The following U2SURP variants were observed in gnomAD, a reference collection of about 807,000 sequenced individuals.
U2SURP encodes U2 snRNP-associated SURP motif-containing protein.
Under a neutral mutation model 144.9 loss-of-function variants are expected in U2SURP, and 9 were observed. That is an observed-to-expected ratio of 0.06 (90% CI 0.04 to 0.11). The LOEUF is 0.11. Ranked by LOEUF, U2SURP falls within the 10% of genes least tolerant of loss-of-function variation. The pLI is 1.00. For missense variants in U2SURP, 724 were observed against 1,226.7 expected, an observed-to-expected ratio of 0.59 and a Z score of 6.12; for synonymous variants, 408 against 396.8, an observed-to-expected ratio of 1.03 and a Z score of -0.33.
At position 143,056,766 on chromosome 3, in the gene U2SURP, A is replaced by G. The variant is rs1262711111; in HGVS notation, c.*316A>G. ...TTTAGGATGTTGTGACTTAGCAAAAATAATACAGATGTCTTCCCCCCTTTT... is the reference window on the plus strand; with the variant it reads ...TTTAGGATGTTGTGACTTAGCAAAAGTAATACAGATGTCTTCCCCCCTTTT... On this transcript the variant is annotated 3_prime_UTR_variant, in exon 28 of 28. Coordinates refer to ENST00000473835, the MANE Select transcript of U2SURP (RefSeq NM_001080415.2). The G allele has an allele frequency of 1.9e-5, 4 of 208,018 alleles. No individual in the cohort carries two copies. The highest frequency in any genetic ancestry group is 6.9e-5 in the African/African-American group (3 of 43,450). 12.9% of individuals were successfully genotyped at this position (208,018 alleles called of 1,614,324 possible).
At chr3:143,011,463 G>A (rs953726333) in intron 2 of U2SURP, among the ~76,000 whole-genome samples, 1 of 152,052 alleles carries the variant, frequency 6.6e-6, no homozygotes, top group Non-Finnish European at 1.5e-5. Flanking sequence ...AAACTATTTT[G>A]TAATAATACT....
intron 5 of U2SURP, among the ~76,000 whole-genome samples, 177 bp from the exon 6 acceptor site, chr3:143,016,665 G>C (rs940764676): frequency 6.6e-6 from 1 of 152,040 alleles, no homozygotes; most frequent in Non-Finnish European, 1.5e-5. Flanking sequence ...TCATAGTTTT[G>C]CTATGAAATG....
At chr3:143,028,441 CTG>C in intron 15 of U2SURP, 35 bp downstream of exon 15, 1 of 1,609,378 alleles carries the variant, frequency 6.2e-7, no homozygotes, top group Non-Finnish European at 8.5e-7. Flanking sequence ...AATTTTGACT[CTG>C]AGTAATTAGA....
At chr3:143,018,119 G>A (rs530846215) in intron 6 of U2SURP, among the ~76,000 whole-genome samples, 1 of 152,168 alleles carries the variant, frequency 6.6e-6, no homozygotes, top group African/African-American at 2.4e-5. Context: ...GTTGAAAATT[G>A]TGCAACAATC....
chr3:143,035,932 A>T (rs368933081), intron 19 of U2SURP, 50 bp from the exon 20 acceptor site: 89 of 1,517,998 alleles, frequency 5.9e-5, no homozygotes, highest in Non-Finnish European at 7.0e-5. Context: ...CTGAAATTTG[A>T]GACATATAGC....
intron 14 of U2SURP, 147 bp from the exon 15 acceptor site, chr3:143,028,193 G>A: frequency 3.4e-6 from 3 of 884,590 alleles, no homozygotes; most frequent in Non-Finnish European, 5.1e-6. Flanking sequence ...GTAGCGGGTG[G>A]TAGTGGGTGA....
At chr3:143,036,956 T>G in intron 20 of U2SURP, 1 of 497,300 alleles carries the variant, frequency 2.0e-6, no homozygotes, top group Non-Finnish European at 3.5e-6. Context: ...TGCTCATCAT[T>G]GCCTCACAAG....
intron 24 of U2SURP, among the ~76,000 whole-genome samples, chr3:143,048,404 A>G (rs889739570): frequency 1.2e-4 from 18 of 152,246 alleles, no homozygotes; most frequent in African/African-American, 3.9e-4. Context: ...CTACAAATAC[A>G]TTCTGTGGAA....
intron 3 of U2SURP, among the ~76,000 whole-genome samples, chr3:143,012,781 T>G (rs1324497538): frequency 6.6e-6 from 1 of 152,108 alleles, no homozygotes; most frequent in Admixed American, 6.6e-5. Flanking sequence ...ATGAGTGCAG[T>G]GCCCAGGGTA....
intron 12 of U2SURP, 96 bp downstream of exon 12, chr3:143,023,160 T>A: frequency 8.8e-7 from 1 of 1,139,726 alleles, no homozygotes; most frequent in Non-Finnish European, 1.2e-6. Flanking sequence ...AATGTGTGTG[T>A]AATTCTGTTT....
chr3:143,040,210 G>GT (rs1298157624), intron 23 of U2SURP, among the ~76,000 whole-genome samples: 1 of 151,792 alleles, frequency 6.6e-6, no homozygotes, highest in African/African-American at 2.4e-5. Context: ...AAAGGTATTA[G>GT]TTTTTTGGCA....
chr3:143,053,512 G>T (rs187004447), intron 25 of U2SURP, among the ~76,000 whole-genome samples, 164 bp from the exon 26 acceptor site: 125 of 148,170 alleles, frequency 8.4e-4, no homozygotes, highest in Non-Finnish European at 1.3e-3. Flanking sequence ...CAAAAGAAAT[G>T]ACTAGTTTCC....
intron 24 of U2SURP, among the ~76,000 whole-genome samples, chr3:143,046,946 G>C: frequency 1.2e-5 from 1 of 81,976 alleles, no homozygotes; most frequent in Non-Finnish European, 2.4e-5. Context: ...CCGGGCAGGG[G>C]GCTGACCTCC....
chr3:143,007,528 G>A (rs184376595), intron 1 of U2SURP, among the ~76,000 whole-genome samples: 20 of 144,816 alleles, frequency 1.4e-4, no homozygotes, highest in African/African-American at 4.4e-4. Flanking sequence ...TGCAAGCTCC[G>A]CCTCCCGGGT....
chr3:143,011,613 CATT>C (rs1936122963), intron 2 of U2SURP, among the ~76,000 whole-genome samples: 1 of 152,042 alleles, frequency 6.6e-6, no homozygotes, highest in Non-Finnish European at 1.5e-5. Flanking sequence ...TACTTGTAGT[CATT>C]ATATTCTTCC....
At chr3:143,029,101 G>A (rs1204090335) in intron 16 of U2SURP, among the ~76,000 whole-genome samples, 1 of 152,200 alleles carries the variant, frequency 6.6e-6, no homozygotes, top group Non-Finnish European at 1.5e-5. Flanking sequence ...GGAAGTATGT[G>A]TTGTTATTAG....
chr3:143,024,103 G>A (rs1032895186), intron 13 of U2SURP, 85 bp downstream of exon 13: 6 of 1,285,308 alleles, frequency 4.7e-6, no homozygotes, highest in Non-Finnish European at 6.8e-6. Context: ...TGAGGAAAAG[G>A]TAGTATCTTG....
Position 143,012,356 on chromosome 3 carries a change from G to A in U2SURP, c.222+3G>A. ...CTCCTCATCAGAATCTCTCAAGAGTGAGTATAGATAAGATAAGGTAAAGAT... is the reference window on the plus strand; with the variant it reads ...CTCCTCATCAGAATCTCTCAAGAGTAAGTATAGATAAGATAAGGTAAAGAT... On this transcript the variant is annotated splice_donor_region_variant and intron_variant, in intron 3 of 27. Transcript: ENST00000473835. 1 of 1,607,878 alleles carries A rather than the reference G, an allele frequency of 6.2e-7. No individual in the cohort carries two copies. The highest frequency in any genetic ancestry group is 8.5e-7 in the Non-Finnish European group (1 of 1,176,932).
chr3:143,015,523 TA>T (rs1452605773), intron 4 of U2SURP, among the ~76,000 whole-genome samples: 1 of 152,082 alleles, frequency 6.6e-6, no homozygotes, highest in Non-Finnish European at 1.5e-5. Flanking sequence ...TAAATCAGAT[TA>T]TTTTGTAGTT....
Sources: gnomAD v4.1 joint callset for allele counts (sites outside exome capture counted in the v4.1 genomes callset) on GRCh38, gnomAD v4.1.1 for gene constraint, MANE v1.5 for transcripts, NCBI Gene and HGNC (gene_info 2026-07-23, HGNC 2026-07-21) for gene names.